Variants in SLC4A10 observed in about 807,000 individuals in gnomAD.
SLC4A10 encodes the protein solute carrier family 4 member 10, also known as sodium-driven chloride bicarbonate exchanger.
Under a neutral mutation model 137.7 loss-of-function variants are expected in SLC4A10, and 42 were observed. The ratio of observed to expected loss-of-function variants is 0.30; its 90% CI spans 0.24 to 0.39. The LOEUF is 0.39. Ranked by LOEUF, SLC4A10 falls within the 10% of genes least tolerant of loss-of-function variation. The pLI, the probability that SLC4A10 is intolerant of heterozygous loss-of-function variation, is 1.00. For synonymous variants in SLC4A10, 474 were observed against 464.1 expected (o/e 1.02, Z -0.27); for missense variants, 925 against 1,355.0 (o/e 0.68, Z 4.98).
At chr2:161,738,713 C>A (rs1490055583) in intron 1 of SLC4A10, among the ~76,000 whole-genome samples, 1 of 152,154 alleles carries the variant, frequency 6.6e-6, no homozygotes, top group African/African-American at 2.4e-5. Flanking sequence ...TTTAGTCATT[C>A]CTTTACCCTC....
At chr2:161,901,057 AC>A (rs1682997746) in intron 12 of SLC4A10, 46 bp downstream of exon 12, 2 of 1,348,712 alleles carry the variant, frequency 1.5e-6, no homozygotes, top group East Asian at 5.0e-5. Flanking sequence ...CAAATGACAT[AC>A]CATTCTTCTC....
intron 1 of SLC4A10, among the ~76,000 whole-genome samples, chr2:161,701,915 C>T (rs1030684457): frequency 2.6e-5 from 4 of 151,782 alleles, no homozygotes; most frequent in Non-Finnish European, 1.5e-5. Context: ...GGACACTGGC[C>T]AGGCTGCAGA....
chr2:161,759,265 T>C (rs547448995), intron 1 of SLC4A10, among the ~76,000 whole-genome samples: 64 of 152,152 alleles, frequency 4.2e-4, no homozygotes, highest in Admixed American at 2.3e-3. Context: ...CATTGTATAA[T>C]GATTACCACA....
chr2:161,964,224 T>C lies in SLC4A10; in HGVS notation c.2952T>C (p.His984=). 6.2e-7 allele frequency: 1 copy of C among 1,613,644 alleles called. No individual in the cohort carries two copies. Among genetic ancestry groups the C allele is most frequent in the Non-Finnish European group, 8.5e-7 (1 of 1,179,656 alleles). ...GGCACGTACCGCTTCGAAAAGTGCATCTCTTCACAATTATTCAGATGAGTT... is the reference window on the plus strand; with the variant it reads ...GGCACGTACCGCTTCGAAAAGTGCACCTCTTCACAATTATTCAGATGAGTT... The part of the protein sequence containing the change: ...YLRHVPLRKV[H]LFTIIQMSCL... The change falls in exon 22 of 27, where the codon CAT becomes CAC. Residue 984 remains histidine, a synonymous_variant. Coordinates refer to ENST00000446997, the MANE Select transcript of SLC4A10 (RefSeq NM_001178015.2).
At chr2:161,712,750 C>A (rs1156897279) in intron 1 of SLC4A10, among the ~76,000 whole-genome samples, 1 of 151,760 alleles carries the variant, frequency 6.6e-6, no homozygotes, top group African/African-American at 2.4e-5. Flanking sequence ...AATTTACATG[C>A]TTAAATATGG....
chr2:161,965,009 T>C (rs376274295), intron 22 of SLC4A10, 42 bp from the exon 23 acceptor site: 51 of 1,579,892 alleles, frequency 3.2e-5, no homozygotes, highest in Non-Finnish European at 4.2e-5. Flanking sequence ...CCTCTCGTTT[T>C]AATTTTTTTT....
intron 15 of SLC4A10, among the ~76,000 whole-genome samples, chr2:161,933,229 T>TTC (rs1690875099): frequency 6.8e-6 from 1 of 147,012 alleles, no homozygotes; most frequent in African/African-American, 2.5e-5. Flanking sequence ...CTTTCTTTCT[T>TTC]TCTTTCTTTC....
intron 21 of SLC4A10, 142 bp from the exon 22 acceptor site, chr2:161,963,993 T>C (rs1001362426): frequency 6.5e-6 from 4 of 614,732 alleles, no homozygotes; most frequent in Middle Eastern, 3.8e-4. Context: ...AACAATCCCA[T>C]TGTCTTGATG....
At chr2:161,640,587 T>A (rs1184541821) in intron 1 of SLC4A10, among the ~76,000 whole-genome samples, 1 of 150,236 alleles carries the variant, frequency 6.7e-6, no homozygotes. Flanking sequence ...GTAAGCTTTC[T>A]CTTTCTTTCC....
At chr2:161,903,914 A>G (rs1376098302) in intron 12 of SLC4A10, 90 bp from the exon 13 acceptor site, 3 of 1,309,524 alleles carry the variant, frequency 2.3e-6, no homozygotes, top group African/African-American at 3.0e-5. Flanking sequence ...GAAAACGTAT[A>G]CTGTGACCTG....
intron 3 of SLC4A10, among the ~76,000 whole-genome samples, chr2:161,822,586 ACAATATGGGT>A (rs2057714542): frequency 6.6e-6 from 1 of 152,192 alleles, no homozygotes; most frequent in Non-Finnish European, 1.5e-5. Context: ...TGACCCTTGA[ACAATATGGGT>A]TTGAACTGTG....
chr2:161,814,816 AC>A (rs2056895920), intron 3 of SLC4A10, among the ~76,000 whole-genome samples: 1 of 152,048 alleles, frequency 6.6e-6, no homozygotes, highest in Admixed American at 6.6e-5. Context: ...ACTATTGGGT[AC>A]TATACTGCCC....
intron 4 of SLC4A10, among the ~76,000 whole-genome samples, chr2:161,852,372 C>T (rs1286050858): frequency 6.6e-6 from 1 of 152,134 alleles, no homozygotes; most frequent in African/African-American, 2.4e-5. Flanking sequence ...TATCTGAAAT[C>T]CACAGCATAT....
At chr2:161,942,994 A>G (rs1388544933) in intron 16 of SLC4A10, 97 bp downstream of exon 16, 4 of 785,268 alleles carry the variant, frequency 5.1e-6, no homozygotes, top group Non-Finnish European at 8.3e-6. Flanking sequence ...TGAATGCATA[A>G]TATAAAACTA....
At position 161,873,947 on chromosome 2, in the gene SLC4A10, G is replaced by A. The variant is rs757750211; in HGVS notation, c.890G>A (p.Ser297Asn). The change falls in exon 8 of 27, where the codon AGT becomes AAT. Residue 297 changes from serine (S) to asparagine (N), a missense_variant. Physicochemically the swap from Ser to Asn is conservative, Grantham distance 46. Around this residue, in one of 11 missense-constraint regions of SLC4A10, gnomAD observed 277 missense variants for 306.1 expected, o/e 0.90. Transcript: ENST00000446997. ...GGAGGCCAACAAAAGGGGCATACTA[G>A]TCCATGTGGGATGAAACAAAGGCAT... ...GLGGQQKGHT[S>N]PCGMKQRHEK... is the part of the protein sequence containing the mutation. 1.9e-6 allele frequency: 3 copies of A among 1,595,194 alleles called. No homozygotes were observed. The highest frequency in any genetic ancestry group is 2.5e-6 in the Non-Finnish European group (3 of 1,178,328).
chr2:161,862,084 GA>G, intron 5 of SLC4A10, among the ~76,000 whole-genome samples: 1 of 152,280 alleles, frequency 6.6e-6, no homozygotes, highest in Middle Eastern at 3.4e-3. Flanking sequence ...ATATCACTAA[GA>G]AACTTAAAAT....
intron 1 of SLC4A10, among the ~76,000 whole-genome samples, chr2:161,668,331 A>G (rs1397981948): frequency 6.6e-6 from 1 of 151,832 alleles, no homozygotes; most frequent in African/African-American, 2.4e-5. Context: ...TGCCTAGAGG[A>G]TATGATAGCT....
At chr2:161,928,870 A>C (rs1353835599) in intron 15 of SLC4A10, among the ~76,000 whole-genome samples, 4 of 152,148 alleles carry the variant, frequency 2.6e-5, no homozygotes. Flanking sequence ...TAGCTACAGA[A>C]AACATATATG....
intron 19 of SLC4A10, 55 bp downstream of exon 19, chr2:161,950,903 A>G: frequency 7.1e-7 from 1 of 1,400,220 alleles, no homozygotes; most frequent in African/African-American, 1.4e-5. Context: ...ATATCAACTG[A>G]TGTTCATTTG....
Sources: gnomAD v4.1 joint callset for allele counts (sites outside exome capture counted in the v4.1 genomes callset) on GRCh38, gnomAD v4.1.1 for gene constraint, gnomAD v4.1.1 regional missense constraint, MANE v1.5 for transcripts, NCBI Gene and HGNC (gene_info 2026-07-23, HGNC 2026-07-21) for gene names.